MTMR8: variants seen among roughly 807,000 people sequenced by gnomAD.
MTMR8 encodes myotubularin related protein 8, also known as phosphatidylinositol-3,5-bisphosphate 3-phosphatase MTMR8.
In MTMR8, 65 loss-of-function variants were observed where a neutral mutation model predicts 39.3. That is an observed-to-expected ratio of 1.65 (90% confidence interval 1.35 to 2.03). The LOEUF is 2.03. Among genes scored for constraint, MTMR8 ranks in the 30% most tolerant of loss-of-function variants. The pLI, the probability that MTMR8 is intolerant of heterozygous loss-of-function variation, is 0.00. For synonymous variants in MTMR8, 245 were observed against 185.2 expected, an observed-to-expected ratio of 1.32 and a Z score of -2.62; for missense variants, 777 against 538.9, an observed-to-expected ratio of 1.44 and a Z score of -4.37.
At chrX:64,285,003 T>C (rs1921105139) in intron 12 of MTMR8, among the ~76,000 whole-genome samples, 2 of 112,077 alleles carry the variant, frequency 1.8e-5, no homozygotes, top group African/African-American at 6.5e-5. Context: ...ATGGGCTAAA[T>C]GCTCCAATTA....
intron 1 of MTMR8, among the ~76,000 whole-genome samples, chrX:64,360,747 C>T (rs1018372799): frequency 9.0e-5 from 10 of 110,879 alleles, no homozygotes; most frequent in African/African-American, 1.6e-4. Flanking sequence ...TAAAAGTGAA[C>T]GATAATAAAA....
chrX:64,350,495 C>T (rs1923461459), intron 4 of MTMR8, among the ~76,000 whole-genome samples: 1 of 111,570 alleles, frequency 9.0e-6, no homozygotes, highest in South Asian at 3.8e-4. Context: ...TCTTATATGT[C>T]TCAATCCCTT....
chrX:64,346,324 G>T (rs1330964809), intron 6 of MTMR8, among the ~76,000 whole-genome samples: 1 of 111,174 alleles, frequency 9.0e-6, no homozygotes, highest in Non-Finnish European at 1.9e-5. Flanking sequence ...GTTAGAACAT[G>T]CAGAGGGAAA....
At chrX:64,391,350 T>C (rs1353354260) in intron 1 of MTMR8, among the ~76,000 whole-genome samples, 2 of 112,479 alleles carry the variant, frequency 1.8e-5, no homozygotes, top group Admixed American at 9.4e-5. Context: ...ATTATCCTTG[T>C]CCTTGATTAA....
Position 64,365,265 on chromosome X carries a change from C to G in MTMR8, c.25-5738G>C, listed in dbSNP as rs1005770217. ...AATTCAGGAAACACAGAGAACACAA[C>G]AAAGATACTCCTCGAGAAGAACACC... On this transcript the variant is annotated intron_variant, in intron 1 of 13. Coordinates refer to ENST00000374852, the MANE Select transcript of MTMR8 (RefSeq NM_017677.4). Among the ~76,000 whole-genome samples, 5 of 110,588 alleles carry G rather than the reference C, an allele frequency of 4.5e-5. No homozygotes were observed. In the East Asian group the frequency reaches 8.6e-4, roughly 19 times the overall value.
intron 8 of MTMR8, among the ~76,000 whole-genome samples, chrX:64,340,963 T>C (rs1209198030): frequency 8.9e-6 from 1 of 112,122 alleles, no homozygotes; most frequent in African/African-American, 3.2e-5. Flanking sequence ...GCCACATCTA[T>C]TAAAATCTGA....
At chrX:64,294,066 T>A (rs1921486812) in intron 12 of MTMR8, among the ~76,000 whole-genome samples, 2 of 111,805 alleles carry the variant, frequency 1.8e-5, no homozygotes, top group African/African-American at 6.5e-5. Flanking sequence ...CATAGCTTAT[T>A]TAAATAACGT....
At chrX:64,336,443 A>T (rs1428219112) in intron 9 of MTMR8, among the ~76,000 whole-genome samples, 6 of 109,700 alleles carry the variant, frequency 5.5e-5, no homozygotes, top group Non-Finnish European at 7.6e-5. Flanking sequence ...AAAAACAGAA[A>T]TCCAAAGGCA....
At chrX:64,366,765 A>G (rs1364329843) in intron 1 of MTMR8, among the ~76,000 whole-genome samples, 2 of 111,674 alleles carry the variant, frequency 1.8e-5, no homozygotes, top group African/African-American at 6.5e-5. Flanking sequence ...TCAGAGCAGA[A>G]CCGAAGGAGA....
chrX:64,298,614 T>C (rs947647601), intron 12 of MTMR8, among the ~76,000 whole-genome samples: 2 of 94,845 alleles, frequency 2.1e-5, no homozygotes, highest in Non-Finnish European at 3.8e-5. Flanking sequence ...TCCAACACTA[T>C]GTTGAATAGG....
At chrX:64,336,822 A>C (rs1332029160) in intron 9 of MTMR8, among the ~76,000 whole-genome samples, 2 of 111,754 alleles carry the variant, frequency 1.8e-5, no homozygotes, top group Admixed American at 9.5e-5. Context: ...CAAAACAAAA[A>C]AAAGCTTTCC....
intron 12 of MTMR8, among the ~76,000 whole-genome samples, chrX:64,302,606 G>C (rs1921934822): frequency 8.9e-6 from 1 of 112,343 alleles, no homozygotes; most frequent in Non-Finnish European, 1.9e-5. Flanking sequence ...ACCCTATGCT[G>C]TTTACTTCTT....
rs748225966 is a variant in MTMR8, at chrX:64,327,080, C to T, written c.1481+1692G>A. Among the ~76,000 whole-genome samples the T allele has an allele frequency of 5.4e-5, 6 of 111,654 alleles. No homozygotes were observed. The East Asian group carries it at 1.7e-3, about 31-fold the overall frequency. On this transcript the variant is annotated intron_variant, in intron 12 of 13. Coordinates refer to ENST00000374852, the MANE Select transcript of MTMR8 (RefSeq NM_017677.4). ...TGAAAGACCGAAAGCTATGAAACTA[C>T]TGGAAGAAAACATAGGGAAAACACT... is the stretch of plus-strand genomic sequence containing the variant.
At chrX:64,386,939 G>A (rs1299156740) in intron 1 of MTMR8, among the ~76,000 whole-genome samples, 2 of 110,461 alleles carry the variant, frequency 1.8e-5, no homozygotes, top group Non-Finnish European at 1.9e-5. Flanking sequence ...TGTGGTCCCA[G>A]CCACTCAGAA....
At chrX:64,273,058 G>C (rs781392832) in intron 12 of MTMR8, among the ~76,000 whole-genome samples, 1 of 111,367 alleles carries the variant, frequency 9.0e-6, no homozygotes, top group Non-Finnish European at 1.9e-5. Flanking sequence ...TCCTTAGATT[G>C]AAAGGGAAAT....
intron 6 of MTMR8, among the ~76,000 whole-genome samples, chrX:64,348,446 G>A (rs1923398525): frequency 9.0e-6 from 1 of 111,535 alleles, no homozygotes; most frequent in South Asian, 3.7e-4. Context: ...GGGAAAGACA[G>A]GTTGCTTGAA....
At chrX:64,307,078 G>T (rs968998358) in intron 12 of MTMR8, among the ~76,000 whole-genome samples, 5 of 112,119 alleles carry the variant, frequency 4.5e-5, no homozygotes, top group Admixed American at 1.9e-4. Context: ...TTTCTTCAGT[G>T]AAATGTTTAT....
intron 1 of MTMR8, among the ~76,000 whole-genome samples, chrX:64,378,315 G>A (rs1924322848): frequency 9.0e-6 from 1 of 111,571 alleles, no homozygotes; most frequent in Admixed American, 9.6e-5. Flanking sequence ...CAACCTCCTG[G>A]ACTCCAGTGA....
intron 4 of MTMR8, among the ~76,000 whole-genome samples, chrX:64,352,322 T>C (rs1007693484): frequency 1.8e-5 from 2 of 111,729 alleles, no homozygotes; most frequent in Non-Finnish European, 3.8e-5. Flanking sequence ...CTTTGTCCCC[T>C]GAACCTTTTC....
Sources: gnomAD v4.1 joint callset for allele counts (sites outside exome capture counted in the v4.1 genomes callset) on GRCh38, gnomAD v4.1.1 for gene constraint, MANE v1.5 for transcripts, NCBI Gene and HGNC (gene_info 2026-07-23, HGNC 2026-07-21) for gene names.